Variants in NKAIN2 observed in about 807,000 individuals in gnomAD.
The protein encoded by NKAIN2 is sodium/potassium transporting ATPase interacting 2, also known as sodium/potassium-transporting ATPase subunit beta-1-interacting protein 2.
In NKAIN2, 14 loss-of-function variants were observed where a neutral mutation model predicts 32.6. That is an observed-to-expected ratio of 0.43 (90% CI 0.28 to 0.67). The LOEUF is 0.67. NKAIN2 is among the 30% of genes least tolerant of loss of function. The pLI is 0.17. For missense variants in NKAIN2, 198 were observed against 258.3 expected (o/e 0.77, Z 1.60); for synonymous variants, 80 against 87.2 (o/e 0.92, Z 0.46).
chr6:124,358,572 T>G (rs1231815295), intron 3 of NKAIN2, among the ~76,000 whole-genome samples: 1 of 152,238 alleles, frequency 6.6e-6, no homozygotes, highest in Non-Finnish European at 1.5e-5. Flanking sequence ...CATAAATGTC[T>G]TCTTTTGAGA....
chr6:124,444,533 C>T (rs541100768), intron 3 of NKAIN2, among the ~76,000 whole-genome samples: 36 of 151,976 alleles, frequency 2.4e-4, no homozygotes, highest in African/African-American at 7.5e-4. Flanking sequence ...TAGGAGTAAC[C>T]GTATTATATA....
chr6:124,680,201 AAATC>A (rs1197979402), intron 4 of NKAIN2, among the ~76,000 whole-genome samples: 4 of 152,196 alleles, frequency 2.6e-5, no homozygotes, highest in African/African-American at 9.6e-5. Flanking sequence ...AAGAAAGAAT[AAATC>A]AATCAATAAT....
chr6:124,091,890 T>C (rs973096570), intron 1 of NKAIN2, among the ~76,000 whole-genome samples: 3 of 152,024 alleles, frequency 2.0e-5, no homozygotes, highest in Admixed American at 6.6e-5. Flanking sequence ...CTTCACTTAT[T>C]CTTACCTGGG....
intron 3 of NKAIN2, among the ~76,000 whole-genome samples, chr6:124,591,598 T>C (rs1351611549): frequency 1.3e-5 from 2 of 152,156 alleles, no homozygotes; most frequent in Admixed American, 6.5e-5. Flanking sequence ...TCTCTTCTGG[T>C]ATCAAAGCAA....
chr6:124,482,370 A>G (rs577848330), intron 3 of NKAIN2, among the ~76,000 whole-genome samples: 21 of 151,602 alleles, frequency 1.4e-4, no homozygotes, highest in Non-Finnish European at 2.8e-4. Flanking sequence ...TTATAATTCA[A>G]TAAAGATAAG....
chr6:124,212,737 C>T (rs562715393), intron 1 of NKAIN2, among the ~76,000 whole-genome samples: 1 of 152,106 alleles, frequency 6.6e-6, no homozygotes, highest in East Asian at 1.9e-4. Flanking sequence ...CATTTTTATG[C>T]AAAGAGAGGC....
At chr6:124,551,880 C>A (rs1780300233) in intron 3 of NKAIN2, among the ~76,000 whole-genome samples, 1 of 152,114 alleles carries the variant, frequency 6.6e-6, no homozygotes, top group Admixed American at 6.5e-5. Context: ...TGTTTGGTCA[C>A]CTTTGATGTG....
intron 6 of NKAIN2, among the ~76,000 whole-genome samples, chr6:124,820,883 C>G (rs1466473988): frequency 6.6e-6 from 1 of 152,140 alleles, no homozygotes; most frequent in Non-Finnish European, 1.5e-5. Context: ...CCATTCCCCC[C>G]AACCCTGGTC....
intron 1 of NKAIN2, among the ~76,000 whole-genome samples, chr6:123,989,384 A>C (rs185646446): frequency 6.6e-6 from 1 of 152,350 alleles, no homozygotes; most frequent in Non-Finnish European, 1.5e-5. Flanking sequence ...GACTTGAGCG[A>C]CATTGTTATA....
At chr6:124,735,784 A>C (rs951199064) in intron 4 of NKAIN2, among the ~76,000 whole-genome samples, 1 of 151,834 alleles carries the variant, frequency 6.6e-6, no homozygotes, top group African/African-American at 2.4e-5. Context: ...TAAGATGGAG[A>C]ACTTAATCAA....
At chr6:123,894,131 A>AT (rs11384300) in intron 1 of NKAIN2, among the ~76,000 whole-genome samples, 9,108 of 151,508 alleles carry the variant, frequency 0.06, 591 homozygotes, top group African/African-American at 0.16. Flanking sequence ...TCTGTTTGGC[A>AT]TTTTTTTCAG....
At chr6:124,324,396 C>A (rs1478512441) in intron 2 of NKAIN2, among the ~76,000 whole-genome samples, 1 of 151,834 alleles carries the variant, frequency 6.6e-6, no homozygotes, top group East Asian at 1.9e-4. Flanking sequence ...TTTTTAATTT[C>A]TGTGCTTATT....
intron 1 of NKAIN2, among the ~76,000 whole-genome samples, chr6:123,844,567 C>T (rs1220401386): frequency 4.6e-5 from 7 of 152,146 alleles, no homozygotes; most frequent in Admixed American, 4.6e-4. Flanking sequence ...AAATAACTTT[C>T]AGGCCATCTA....
chr6:123,866,193 T>A (rs2114258186), intron 1 of NKAIN2, among the ~76,000 whole-genome samples: 1 of 152,334 alleles, frequency 6.6e-6, no homozygotes, highest in Non-Finnish European at 1.5e-5. Context: ...CCTGTACCTT[T>A]AACATCTCTT....
chr6:124,243,218 G>A (rs1290709042), intron 1 of NKAIN2, among the ~76,000 whole-genome samples: 1 of 151,926 alleles, frequency 6.6e-6, no homozygotes, highest in African/African-American at 2.4e-5. Context: ...TGGTTGGCTG[G>A]GTGTAGTGGG....
At chr6:124,450,996 C>CA (rs1229054088) in intron 3 of NKAIN2, among the ~76,000 whole-genome samples, 2 of 152,024 alleles carry the variant, frequency 1.3e-5, no homozygotes, top group South Asian at 2.1e-4. Context: ...TGCAGTAATG[C>CA]AAAAAATATG....
chr6:124,408,159 T>C (rs1379854464), intron 3 of NKAIN2, among the ~76,000 whole-genome samples: 5 of 152,132 alleles, frequency 3.3e-5, no homozygotes, highest in Non-Finnish European at 5.9e-5. Context: ...CTGTTCACTC[T>C]GATGGTAGTT....
At chr6:123,930,396 T>C (rs1208727023) in intron 1 of NKAIN2, among the ~76,000 whole-genome samples, 3 of 152,116 alleles carry the variant, frequency 2.0e-5, no homozygotes, top group Admixed American at 6.6e-5. Context: ...AACAGTAGCA[T>C]TGGTGATAGA....
Position 124,410,981 on chromosome 6 carries a change from T to G in NKAIN2, c.273+55634T>G, listed in dbSNP as rs551518427. On this transcript the variant is annotated intron_variant, in intron 3 of 6. Coordinates refer to ENST00000368417, the MANE Select transcript of NKAIN2 (RefSeq NM_001040214.3). ...GATCTTTGTTGGTTTAAAGTCTGTTTTATCAGAGACTAGGATTGCAACCCC... is the reference window on the plus strand; with the variant it reads ...GATCTTTGTTGGTTTAAAGTCTGTTGTATCAGAGACTAGGATTGCAACCCC... 4.6e-5 allele frequency among the ~76,000 whole-genome samples: 7 copies of G among 152,216 alleles called. No individual in the cohort carries two copies. In the East Asian group the frequency reaches 1.2e-3, roughly 25 times the overall value.
Sources: gnomAD v4.1 joint callset for allele counts (sites outside exome capture counted in the v4.1 genomes callset) on GRCh38, gnomAD v4.1.1 for gene constraint, MANE v1.5 for transcripts, NCBI Gene and HGNC (gene_info 2026-07-23, HGNC 2026-07-21) for gene names.